Variants in MINAR1 observed in about 807,000 individuals in gnomAD.
MINAR1 encodes the protein membrane integral NOTCH2 associated receptor 1.
A neutral mutation model predicts 65.1 loss-of-function variants in MINAR1; 40 were observed. That is an observed-to-expected ratio of 0.61 (90% CI 0.48 to 0.80). The LOEUF is 0.80. Ranked by LOEUF, MINAR1 falls within the 30% of genes least tolerant of loss-of-function variation. MINAR1 has a pLI of 0.00. For missense variants in MINAR1, 1,128 were observed against 1,148.0 expected (o/e 0.98, Z 0.25); for synonymous variants, 482 against 449.1 (o/e 1.07, Z -0.93).
In MINAR1 at chr15:79,448,438, T is replaced by G. The variant is rs143415479; in HGVS notation, c.-50-7660T>G. 1.5e-4 allele frequency among the ~76,000 whole-genome samples: 23 copies of G among 152,314 alleles called. No homozygotes were observed. The East Asian group carries it at 4.4e-3, about 29-fold the overall frequency. On this transcript the variant is annotated intron_variant, in intron 1 of 3. Transcript: ENST00000305428. ...ATGTAGAAATTCTTAATCACAAATT[T>G]TATATTCCTAAATTGATAGCTTCCT...
At chr15:79,440,216 T>G (rs1384982470) in intron 1 of MINAR1, among the ~76,000 whole-genome samples, 1 of 152,048 alleles carries the variant, frequency 6.6e-6, no homozygotes, top group Non-Finnish European at 1.5e-5. Flanking sequence ...ACTTGCTTTA[T>G]CCCCCATATT....
At chr15:79,465,731 C>T (rs1895820407) in intron 3 of MINAR1, among the ~76,000 whole-genome samples, 1 of 152,000 alleles carries the variant, frequency 6.6e-6, no homozygotes, top group African/African-American at 2.4e-5. Context: ...CCATAGTGTG[C>T]TGAGCCTGAC....
the MINAR1 span, chr15:79,415,240 A>C: frequency 6.6e-6 from 1 of 152,290 alleles, no homozygotes; most frequent in African/African-American, 2.4e-5. Context: ...GAATAGGGAC[A>C]GGCACACCCA....
chr15:79,450,465 T>C (rs1054112869), intron 1 of MINAR1, among the ~76,000 whole-genome samples: 3 of 152,068 alleles, frequency 2.0e-5, no homozygotes, highest in Non-Finnish European at 4.4e-5. Flanking sequence ...CCATTAATTC[T>C]GAGTGAGCAA....
Position 79,457,164 on chromosome 15 carries a change from T to C in MINAR1, c.1017T>C (p.Tyr339=), listed in dbSNP as rs746721906. ...ESLDDLQAST[Y]FGPTPVMGTQ... ...TAGATGACCTTCAAGCCTCTACATATTTTGGGCCCACTCCCGTGATGGGAA... is the reference window on the plus strand; with the variant it reads ...TAGATGACCTTCAAGCCTCTACATACTTTGGGCCCACTCCCGTGATGGGAA... The change falls in exon 2 of 4, where the codon TAT becomes TAC. Residue 339 remains tyrosine (Y), a synonymous_variant. Transcript: ENST00000305428. 6 of 1,614,112 alleles carry C rather than the reference T, an allele frequency of 3.7e-6. No individual in the cohort carries two copies. The highest frequency in any genetic ancestry group is 4.2e-6 in the Non-Finnish European group (5 of 1,180,024).
At chr15:79,429,340 A>C (rs944626912), upstream of MINAR1, among the ~76,000 whole-genome samples, 1 of 152,260 alleles carries the variant, frequency 6.6e-6, no homozygotes, top group Non-Finnish European at 1.5e-5. Context: ...CTAGAGGACC[A>C]AAACCAGGTC....
chr15:79,416,091 C>T, the MINAR1 span: 3 of 152,116 alleles, frequency 2.0e-5, no homozygotes, highest in African/African-American at 4.8e-5. Context: ...ATTTGTTTCT[C>T]TTTCAGATAT....
chr15:79,435,619 G>A (rs1894578160), intron 1 of MINAR1, among the ~76,000 whole-genome samples: 1 of 152,212 alleles, frequency 6.6e-6, no homozygotes, highest in African/African-American at 2.4e-5. Flanking sequence ...TGGCATGTAA[G>A]TAGGTGCTTA....
Position 79,471,883 on chromosome 15 carries a change from A to G in MINAR1, c.*3499A>G, listed in dbSNP as rs150928189. ...TGAATACCAAATCAGTATATACTGT[A>G]TACTGTACTATGAAAATTTGTATTT... On this transcript the variant is annotated 3_prime_UTR_variant, in exon 4 of 4. Coordinates refer to ENST00000305428, the MANE Select transcript of MINAR1 (RefSeq NM_015206.3). 277 of 152,778 alleles carry G rather than the reference A, an allele frequency of 1.8e-3. 1 individual carries two copies. Among genetic ancestry groups the G allele is most frequent in the African/African-American group, 6.2e-3 (258 of 41,592 alleles). The allele number at this position is 152,778 out of a possible 1,614,324, so 9.5% of individuals were successfully genotyped here.
chr15:79,450,190 A>C (rs1895144627), intron 1 of MINAR1, among the ~76,000 whole-genome samples: 1 of 152,138 alleles, frequency 6.6e-6, no homozygotes, highest in Non-Finnish European at 1.5e-5. Context: ...TCTGGACCCC[A>C]GTTTTCTTGA....
chr15:79,447,363 T>C, intron 1 of MINAR1, among the ~76,000 whole-genome samples: 1 of 152,186 alleles, frequency 6.6e-6, no homozygotes, highest in East Asian at 1.9e-4. Flanking sequence ...TCCAGATCTG[T>C]ATGTACTTTT....
intron 1 of MINAR1, among the ~76,000 whole-genome samples, chr15:79,440,072 C>T (rs1894828280): frequency 6.6e-6 from 1 of 152,104 alleles, no homozygotes; most frequent in East Asian, 1.9e-4. Context: ...ATCATTAGCC[C>T]CAAGGTGTGT....
At chr15:79,462,131 C>T (rs1267512058) in intron 2 of MINAR1, among the ~76,000 whole-genome samples, 2 of 152,138 alleles carry the variant, frequency 1.3e-5, no homozygotes, top group Non-Finnish European at 2.9e-5. Flanking sequence ...GATGAATATT[C>T]ATGGAGTGTC....
the MINAR1 span, chr15:79,421,225 T>C: frequency 6.6e-6 from 1 of 152,226 alleles, no homozygotes; most frequent in African/African-American, 2.4e-5. Context: ...TCTGTCAAAG[T>C]GCTATGAAAG....
the MINAR1 span, chr15:79,422,053 G>A: frequency 6.6e-6 from 1 of 152,318 alleles, no homozygotes; most frequent in Non-Finnish European, 1.5e-5. Flanking sequence ...GCAAAGGAAA[G>A]GAACTAAGTG....
intron 3 of MINAR1, among the ~76,000 whole-genome samples, chr15:79,466,254 A>T (rs1187281478): frequency 6.6e-6 from 1 of 152,210 alleles, no homozygotes; most frequent in Non-Finnish European, 1.5e-5. Context: ...ATTTTCTGTG[A>T]TGCCTAGATC....
At position 79,469,160 on chromosome 15, in the gene MINAR1, A is replaced by G. The variant is rs1030106676; in HGVS notation, c.*776A>G. On this transcript the variant is annotated 3_prime_UTR_variant, in exon 4 of 4. Transcript: ENST00000305428. ...AACGATGTAAGGTCAGTATTTGAAA[A>G]TCATGGCCACTCCAAAGGATCTCCT... The G allele has an allele frequency of 6.6e-6, 1 of 152,612 alleles. No individual in the cohort carries two copies. The highest frequency in any genetic ancestry group is 2.4e-5 in the African/African-American group (1 of 41,434). 9.5% of individuals were successfully genotyped at this position (152,612 alleles called of 1,614,324 possible).
chr15:79,451,517 G>T (rs66843124), intron 1 of MINAR1, among the ~76,000 whole-genome samples: 32,341 of 152,038 alleles, frequency 0.21, 3,883 homozygotes, highest in Middle Eastern at 0.32. Context: ...AGACACAGGG[G>T]AGGGGAGGCC....
intron 1 of MINAR1, among the ~76,000 whole-genome samples, chr15:79,451,183 T>A (rs192267228): frequency 6.6e-6 from 1 of 152,308 alleles, no homozygotes; most frequent in African/African-American, 2.4e-5. Context: ...TTCAGAAATT[T>A]GGGGTGGCTT....
Sources: gnomAD v4.1 joint callset for allele counts (sites outside exome capture counted in the v4.1 genomes callset) on GRCh38, gnomAD v4.1.1 for gene constraint, MANE v1.5 for transcripts, NCBI Gene and HGNC (gene_info 2026-07-23, HGNC 2026-07-21) for gene names.